The following CDH17 variants were observed in gnomAD, a reference collection of about 807,000 sequenced individuals.
CDH17 encodes the protein cadherin 17, also known as cadherin-17.
Under a neutral mutation model 86.3 loss-of-function variants are expected in CDH17, and 67 were observed. The observed-to-expected ratio is 0.78, with a 90% CI of 0.64 to 0.95. The LOEUF (loss-of-function observed/expected upper bound fraction) is 0.95. CDH17 is among the 40% of genes least tolerant of loss of function. CDH17 has a pLI of 0.00. For missense variants in CDH17, 993 were observed against 1,017.6 expected, an observed-to-expected ratio of 0.98 and a Z score of 0.33; for synonymous variants, 367 against 366.4, an observed-to-expected ratio of 1.00 and a Z score of -0.02.
intron 1 of CDH17, chr8:94,202,993 C>G: frequency 3.6e-6 from 1 of 279,446 alleles, no homozygotes; most frequent in East Asian, 1.2e-4. Context: ...CTGGCAAAGC[C>G]TTGTTAGCTT....
At chr8:94,153,891 T>C (rs1377357079) in intron 12 of CDH17, among the ~76,000 whole-genome samples, 1 of 152,146 alleles carries the variant, frequency 6.6e-6, no homozygotes. Context: ...AGCTGGGGCA[T>C]GAGGAGATTG....
intron 13 of CDH17, 70 bp from the exon 14 acceptor site, chr8:94,148,944 G>T: frequency 7.3e-7 from 1 of 1,367,850 alleles, no homozygotes; most frequent in Non-Finnish European, 1.0e-6. Flanking sequence ...TAGTTTGTGC[G>T]TCAACTAAAT....
chr8:94,155,049 G>A (rs1812920577), intron 12 of CDH17, among the ~76,000 whole-genome samples: 1 of 152,104 alleles, frequency 6.6e-6, no homozygotes, highest in Non-Finnish European at 1.5e-5. Flanking sequence ...GGAACTGTGT[G>A]TGAAGACTCG....
At chr8:94,173,171 A>C (rs189224775) in intron 7 of CDH17, among the ~76,000 whole-genome samples, 1 of 152,254 alleles carries the variant, frequency 6.6e-6, no homozygotes, top group African/African-American at 2.4e-5. Flanking sequence ...TTCTCTCTGA[A>C]AGCAAAAGTA....
chr8:94,132,077 T>C (rs996137187), intron 15 of CDH17, among the ~76,000 whole-genome samples: 2 of 152,230 alleles, frequency 1.3e-5, no homozygotes, highest in African/African-American at 4.8e-5. Context: ...CAGTCTATCA[T>C]TGATGGACAT....
Position 94,130,348 on chromosome 8 carries a change from C to A in CDH17, c.2398+278G>T, listed in dbSNP as rs1586226513. ...GCTACTGCATTTCTTCCCTCTTTATCACAAAAGCTTTGTAACTAGGCATAA... is the reference window on the plus strand; with the variant it reads ...GCTACTGCATTTCTTCCCTCTTTATAACAAAAGCTTTGTAACTAGGCATAA... On this transcript the variant is annotated intron_variant, in intron 17 of 17. Coordinates refer to ENST00000027335, the MANE Select transcript of CDH17 (RefSeq NM_004063.4). Among the ~76,000 whole-genome samples, 3 of 152,342 alleles carry A rather than the reference C, an allele frequency of 2.0e-5. No homozygotes were observed. The South Asian group carries it at 6.2e-4, about 32-fold the overall frequency.
chr8:94,211,799 G>C (rs12114629), upstream of CDH17, among the ~76,000 whole-genome samples: 2,286 of 152,124 alleles, frequency 0.015, 64 homozygotes, highest in African/African-American at 0.052. Context: ...CTTAATATCT[G>C]TCTTGCTCTG....
intron 14 of CDH17, among the ~76,000 whole-genome samples, chr8:94,148,541 C>CAAAAAAA (rs59942237): frequency 1.4e-4 from 4 of 29,198 alleles, no homozygotes; most frequent in African/African-American, 2.0e-4. Flanking sequence ...GACTCCATCT[C>CAAAAAAA]AAAAAAAAAA....
intron 5 of CDH17, among the ~76,000 whole-genome samples, chr8:94,175,861 C>T (rs1004150362): frequency 2.6e-5 from 4 of 152,116 alleles, no homozygotes; most frequent in African/African-American, 9.7e-5. Context: ...TCTGAGGTAT[C>T]TTAGAGATCA....
At chr8:94,198,117 G>C (rs1397253695) in intron 1 of CDH17, among the ~76,000 whole-genome samples, 2 of 152,014 alleles carry the variant, frequency 1.3e-5, no homozygotes, top group Non-Finnish European at 1.5e-5. Flanking sequence ...GACAGAGATA[G>C]AGCTGTAGAG....
intron 3 of CDH17, among the ~76,000 whole-genome samples, chr8:94,185,284 C>T (rs896468720): frequency 6.1e-5 from 6 of 98,932 alleles, no homozygotes; most frequent in Non-Finnish European, 1.5e-4. Context: ...AATACACACA[C>T]ACACACACAC....
chr8:94,140,389 C>T (rs1326149439), intron 15 of CDH17, among the ~76,000 whole-genome samples: 1 of 152,078 alleles, frequency 6.6e-6, no homozygotes, highest in Non-Finnish European at 1.5e-5. Context: ...ATGATCACAC[C>T]ACTGCACTGC....
At chr8:94,214,378 G>T (rs1423600231) in intron 1 of CDH17, among the ~76,000 whole-genome samples, 1 of 152,126 alleles carries the variant, frequency 6.6e-6, no homozygotes, top group Non-Finnish European at 1.5e-5. Flanking sequence ...ATTGCCTCTG[G>T]AAATTCTGCC....
intron 10 of CDH17, 78 bp from the exon 11 acceptor site, chr8:94,162,240 T>G: frequency 3.1e-6 from 3 of 970,956 alleles, no homozygotes. Context: ...AAGAAAATAC[T>G]TGGCAAGTGA....
intron 1 of CDH17, among the ~76,000 whole-genome samples, chr8:94,197,592 G>A (rs918113073): frequency 6.6e-6 from 1 of 152,038 alleles, no homozygotes; most frequent in Non-Finnish European, 1.5e-5. Context: ...CAGCACTTTG[G>A]GAGGCTGAGG....
At chr8:94,165,597 C>A (rs1039970747) in intron 10 of CDH17, among the ~76,000 whole-genome samples, 164 bp downstream of exon 10, 1 of 152,162 alleles carries the variant, frequency 6.6e-6, no homozygotes, top group African/African-American at 2.4e-5. Context: ...CCGGCCTTTA[C>A]AGTGTTCAAC....
intron 1 of CDH17, among the ~76,000 whole-genome samples, chr8:94,201,239 C>A (rs1347158727): frequency 6.6e-6 from 1 of 152,118 alleles, no homozygotes; most frequent in Admixed American, 6.5e-5. Flanking sequence ...TATTTCTCCT[C>A]ATTTCTGTGC....
At chr8:94,209,161 C>CA (rs373470279), upstream of CDH17, among the ~76,000 whole-genome samples, 2 of 152,238 alleles carry the variant, frequency 1.3e-5, no homozygotes, top group Admixed American at 6.5e-5. Flanking sequence ...TTTTCCCCCC[C>CA]ACAATTCAGG....
intron 3 of CDH17, among the ~76,000 whole-genome samples, chr8:94,178,359 T>G (rs529735379): frequency 6.6e-6 from 1 of 152,202 alleles, no homozygotes; most frequent in East Asian, 1.9e-4. Flanking sequence ...AATATCAAAG[T>G]TAGTATGGAT....
Sources: allele counts gnomAD v4.1 joint callset (sites outside exome capture counted in the v4.1 genomes callset), GRCh38; gene constraint gnomAD v4.1.1; transcripts MANE v1.5; gene names NCBI Gene and HGNC (gene_info 2026-07-23, HGNC 2026-07-21).